PRDM4: variants seen among roughly 807,000 people sequenced by gnomAD.
PRDM4 encodes PR/SET domain 4.
Under a neutral mutation model 62.3 loss-of-function variants are expected in PRDM4, and 38 were observed. That is an observed-to-expected ratio of 0.61 (90% CI 0.47 to 0.80). PRDM4 has a LOEUF of 0.80. Ranked by LOEUF, PRDM4 falls within the 30% of genes least tolerant of loss-of-function variation. PRDM4 has a pLI of 0.00. For synonymous variants in PRDM4, 339 were observed against 348.2 expected (o/e 0.97, Z 0.30); for missense variants, 858 against 997.1 (o/e 0.86, Z 1.88).
At chr12:107,753,159 C>T (rs539677192) in intron 4 of PRDM4, among the ~76,000 whole-genome samples, 15 of 152,204 alleles carry the variant, frequency 9.9e-5, no homozygotes, top group African/African-American at 3.6e-4. Context: ...ATGGCTTCAG[C>T]GCAGGAGTTC....
chr12:107,739,619 C>T (rs1890448706), intron 10 of PRDM4, 68 bp from the exon 11 acceptor site: 2 of 1,460,806 alleles, frequency 1.4e-6, no homozygotes, highest in Admixed American at 1.9e-5. Flanking sequence ...CACACAGGCA[C>T]ACATATGTGC....
chr12:107,742,521 CAG>C, intron 8 of PRDM4, 173 bp from the exon 9 acceptor site: 2 of 694,226 alleles, frequency 2.9e-6, no homozygotes, highest in Non-Finnish European at 4.7e-6. Context: ...TGTAGAGAAA[CAG>C]AATTCTTACT....
rs1379970282 is a variant in PRDM4 at position 107,751,774 on chromosome 12, G to A, written c.767C>T (p.Pro256Leu). 6.2e-7 allele frequency: 1 copy of A among 1,614,004 alleles called. No individual in the cohort carries two copies. Among genetic ancestry groups the A allele is most frequent in the African/African-American group, 1.3e-5 (1 of 74,896 alleles). Residue 256 changes from proline (P) to leucine (L), a missense_variant, in exon 5 of 12, where the codon CCC becomes CTC. By Grantham distance (98) the Pro-to-Leu change is moderately conservative. Around this residue, in one of 3 missense-constraint regions of PRDM4, gnomAD observed 499 missense variants for 546.7 expected, o/e 0.91. Transcript: ENST00000228437. ...GAGCTCCAGGCCATTCCCATGCATG[G>A]GTATCACACCACCATGTCCTACAGC... ...ADAVGHGGVI[P>L]MHGNGLELPV...
At chr12:107,748,761 T>A (rs1295134363) in intron 5 of PRDM4, among the ~76,000 whole-genome samples, 4 of 152,164 alleles carry the variant, frequency 2.6e-5, no homozygotes, top group Admixed American at 2.6e-4. Flanking sequence ...GTGGTGGTGG[T>A]TGCACAGCCT....
chr12:107,749,706 T>C (rs1890829758), intron 5 of PRDM4, among the ~76,000 whole-genome samples: 1 of 152,134 alleles, frequency 6.6e-6, no homozygotes, highest in Non-Finnish European at 1.5e-5. Context: ...GTGAGAATCA[T>C]CACCTTTCCC....
intron 4 of PRDM4, among the ~76,000 whole-genome samples, chr12:107,753,318 G>A (rs1227782139): frequency 6.6e-6 from 1 of 151,580 alleles, no homozygotes; most frequent in Non-Finnish European, 1.5e-5. Context: ...AATCACTGGA[G>A]TCCAGGAGTT....
rs1232696644 is a variant in PRDM4, at chr12:107,754,055, G to C, written c.200C>G (p.Ala67Gly). Residue 67 changes from alanine (A) to glycine (G), a missense_variant, in exon 4 of 12, where the codon GCT becomes GGT. Ala to Gly is a moderately conservative substitution (Grantham distance 60, BLOSUM62 0). Coordinates refer to ENST00000228437, the MANE Select transcript of PRDM4 (RefSeq NM_012406.4). ...ACCCATTGGTAGCATTAAAGACAGA[G>C]CAGAAGGCAGAGAGCTCAGGGAGGG... is the stretch of plus-strand genomic sequence containing the variant. ...LGPSLSSLPS[A>G]LSLMLPMGIG... 1 of 1,613,692 alleles carries C rather than the reference G, an allele frequency of 6.2e-7. No individual in the cohort carries two copies. Among genetic ancestry groups the C allele is most frequent in the African/African-American group, 1.3e-5 (1 of 74,920 alleles).
chr12:107,748,891 A>T (rs536660997), intron 5 of PRDM4, among the ~76,000 whole-genome samples: 36 of 152,298 alleles, frequency 2.4e-4, no homozygotes, highest in Admixed American at 1.2e-3. Flanking sequence ...AAAAAAATCA[A>T]TAAGCTTATT....
chr12:107,752,252 T>C, intron 4 of PRDM4, 43 bp from the exon 5 acceptor site: 3 of 1,417,160 alleles, frequency 2.1e-6, no homozygotes, highest in African/African-American at 2.8e-5. Flanking sequence ...TTTTAGTACA[T>C]TATTAAAGAA....
intron 6 of PRDM4, among the ~76,000 whole-genome samples, chr12:107,745,470 C>A (rs527724797): frequency 6.6e-6 from 1 of 151,862 alleles, no homozygotes; most frequent in African/African-American, 2.4e-5. Context: ...TGGAAGGTTG[C>A]GGCAGGATGA....
intron 11 of PRDM4, among the ~76,000 whole-genome samples, chr12:107,736,165 T>C (rs1314043170): frequency 6.6e-6 from 1 of 152,236 alleles, no homozygotes; most frequent in East Asian, 1.9e-4. Context: ...TTCTAGATGC[T>C]AGGGCTATAG....
At position 107,760,298 on chromosome 12, in the gene PRDM4, G is replaced by A. The variant is rs1330661932; in HGVS notation, c.11+207C>T. Among the ~76,000 whole-genome samples, 78 of 152,318 alleles carry A rather than the reference G, an allele frequency of 5.1e-4. 1 individual carries two copies. Among genetic ancestry groups the A allele is most frequent in the Admixed American group, 5.1e-3 (78 of 15,304 alleles). ...TCAACAAGCCAACAATAAACGTGTGGCTACTGGGAACAACTTTCCACATGT... is the reference window on the plus strand; with the variant it reads ...TCAACAAGCCAACAATAAACGTGTGACTACTGGGAACAACTTTCCACATGT... On this transcript the variant is annotated intron_variant, in intron 2 of 11. Coordinates refer to ENST00000228437, the MANE Select transcript of PRDM4 (RefSeq NM_012406.4).
chr12:107,751,361 G>A lies in PRDM4; in HGVS notation c.1126+54C>T. 2.0e-6 allele frequency: 3 copies of A among 1,512,302 alleles called. No individual in the cohort carries two copies. The East Asian group carries it at 6.8e-5, about 34-fold the overall frequency. The allele number at this position is 1,512,302 out of a possible 1,614,324, so 93.7% of individuals were successfully genotyped here. ...AAACTTTACGACTTAACTTGTTAGG[G>A]ATGGTGGCCCTTTTTACAAATATTT... is the stretch of plus-strand genomic sequence containing the variant. On this transcript the variant is annotated intron_variant, in intron 5 of 11. Transcript: ENST00000228437.
At chr12:107,738,025 C>T (rs192307630) in intron 11 of PRDM4, 9 of 152,248 alleles carry the variant, frequency 5.9e-5, no homozygotes, top group East Asian at 3.9e-4. Context: ...TCAACAGAAA[C>T]GTATTTTCTC....
rs557253412 is a variant in PRDM4 at position 107,734,743 on chromosome 12, A to G, written c.2094-221T>C. ...AATACTATGTAAATTCTCAAATTCT[A>G]TGTAAATTCTATATGTATTTCTTTT... is the stretch of plus-strand genomic sequence containing the variant. On this transcript the variant is annotated intron_variant, in intron 11 of 11. Coordinates refer to ENST00000228437, the MANE Select transcript of PRDM4 (RefSeq NM_012406.4). Among the ~76,000 whole-genome samples the G allele has an allele frequency of 5.3e-5, 8 of 152,184 alleles. 1 individual carries two copies. The highest frequency in any genetic ancestry group is 1.4e-4 in the African/African-American group (6 of 41,448).
chr12:107,744,044 G>A (rs1185473161), intron 7 of PRDM4, among the ~76,000 whole-genome samples: 1 of 151,986 alleles, frequency 6.6e-6, no homozygotes, highest in Non-Finnish European at 1.5e-5. Flanking sequence ...AGCCCAGGAG[G>A]TAGAGGTGGC....
chr12:107,757,487 G>A (rs993787784), intron 2 of PRDM4, among the ~76,000 whole-genome samples: 3 of 152,124 alleles, frequency 2.0e-5, no homozygotes, highest in Non-Finnish European at 2.9e-5. Flanking sequence ...AGTTTACTAA[G>A]ATTCTGTATC....
intron 3 of PRDM4, among the ~76,000 whole-genome samples, chr12:107,755,855 A>G (rs1360984699): frequency 6.6e-6 from 1 of 152,088 alleles, no homozygotes; most frequent in Admixed American, 6.5e-5. Flanking sequence ...GAGGCCGAGG[A>G]GGGCGGATCA....
Position 107,751,783 on chromosome 12 carries a change from C to A in PRDM4, c.758G>T (p.Gly253Val). ...GCCATTCCCATGCATGGGTATCACACCACCATGTCCTACAGCGTCTGCTGC... is the reference window on the plus strand; with the variant it reads ...GCCATTCCCATGCATGGGTATCACAACACCATGTCCTACAGCGTCTGCTGC... ...NLAADAVGHG[G>V]VIPMHGNGLE... Residue 253 changes from glycine to valine, a missense_variant, in exon 5 of 12, where the codon GGT becomes GTT. Around this residue, in one of 3 missense-constraint regions of PRDM4, gnomAD observed 499 missense variants for 546.7 expected, o/e 0.91. Coordinates refer to ENST00000228437, the MANE Select transcript of PRDM4 (RefSeq NM_012406.4). The A allele has an allele frequency of 1.2e-6, 2 of 1,614,200 alleles. No homozygotes were observed. The highest frequency in any genetic ancestry group is 1.7e-6 in the Non-Finnish European group (2 of 1,180,042).
Sources: allele counts gnomAD v4.1 joint callset (sites outside exome capture counted in the v4.1 genomes callset), GRCh38; gene constraint gnomAD v4.1.1; regional missense constraint gnomAD v4.1.1; transcripts MANE v1.5; gene names NCBI Gene and HGNC (gene_info 2026-07-23, HGNC 2026-07-21).